The following SEC62 variants were observed in gnomAD, a reference collection of about 807,000 sequenced individuals.
SEC62 encodes the protein translocation protein SEC62.
In SEC62, 10 loss-of-function variants were observed where a neutral mutation model predicts 47.5. The ratio of observed to expected loss-of-function variants is 0.21; its 90% CI spans 0.13 to 0.36. The LOEUF (loss-of-function observed/expected upper bound fraction) is 0.36. Among genes scored for constraint, SEC62 ranks in the 10% least tolerant of loss-of-function variants. The probability of loss-of-function intolerance (pLI) is 1.00; values close to 1 mark genes in which losing one functional copy is unlikely to be tolerated. For synonymous variants in SEC62, 136 were observed against 150.5 expected (o/e 0.90, Z 0.71); for missense variants, 327 against 464.1 (o/e 0.70, Z 2.71).
At chr3:169,978,933 C>T (rs1714907591) in intron 3 of SEC62, among the ~76,000 whole-genome samples, 1 of 152,164 alleles carries the variant, frequency 6.6e-6, no homozygotes, top group African/African-American at 2.4e-5. Flanking sequence ...TTCTTAACTA[C>T]CGCTCTATAC....
Position 169,995,828 on chromosome 3 carries a change from C to T in SEC62, c.*2765C>T, listed in dbSNP as rs2074828217. 6.6e-6 allele frequency: 1 copy of T among 152,044 alleles called. No homozygotes were observed. Among genetic ancestry groups the T allele is most frequent in the Admixed American group, 6.5e-5 (1 of 15,272 alleles). 9.4% of individuals were successfully genotyped at this position (152,044 alleles called of 1,614,324 possible). A position where few individuals can be genotyped will look rare whatever the true frequency, so the allele number is the denominator to read the frequency against. On this transcript the variant is annotated 3_prime_UTR_variant, in exon 8 of 8. Coordinates refer to ENST00000337002, the MANE Select transcript of SEC62 (RefSeq NM_003262.4). ...ATGTAAATTTCTGTTGTAAAGACAC[C>T]TTATTTAATATAATCGATTCATTAA...
intron 1 of SEC62, among the ~76,000 whole-genome samples, chr3:169,972,026 C>T (rs187262684): frequency 6.6e-6 from 1 of 152,260 alleles, no homozygotes; most frequent in East Asian, 1.9e-4. Flanking sequence ...ATCTAAATTT[C>T]TTTCCCATTT....
Position 169,966,877 on chromosome 3 carries a change from G to A in SEC62, c.36+19G>A, listed in dbSNP as rs1193840769. Reference sequence around the variant, plus strand: ...GATCCAGGTAGCAAAGCCGAGCTCTGGGCAGGGGGCTTCGGCGCGCTGGAT... The same window carrying A: ...GATCCAGGTAGCAAAGCCGAGCTCTAGGCAGGGGGCTTCGGCGCGCTGGAT... On this transcript the variant is annotated intron_variant, in intron 1 of 7. Coordinates refer to ENST00000337002, the MANE Select transcript of SEC62 (RefSeq NM_003262.4). 1 of 1,553,844 alleles carries A rather than the reference G, an allele frequency of 6.4e-7. No individual in the cohort carries two copies. Among genetic ancestry groups the A allele is most frequent in the African/African-American group, 1.4e-5 (1 of 73,250 alleles).
intron 3 of SEC62, among the ~76,000 whole-genome samples, chr3:169,980,580 A>G (rs866862176): frequency 3.1e-4 from 47 of 152,262 alleles, no homozygotes; most frequent in African/African-American, 1.1e-3. Context: ...TGCTGGTTCT[A>G]TTGCCTTCAG....
At chr3:169,987,573 A>C (rs749824860) in intron 6 of SEC62, among the ~76,000 whole-genome samples, 12 of 152,238 alleles carry the variant, frequency 7.9e-5, no homozygotes, top group Non-Finnish European at 1.6e-4. Context: ...AAAAGAGTTA[A>C]GTAACTTGCC....
Position 169,996,044 on chromosome 3 carries a change from G to T in SEC62, c.*2981G>T, listed in dbSNP as rs980304032. Reference sequence around the variant, plus strand: ...GAAATGCAAAAACCATGGCATTAGCGTAAAAAGGACACGTTTATAGTATGA... The same window carrying T: ...GAAATGCAAAAACCATGGCATTAGCTTAAAAAGGACACGTTTATAGTATGA... On this transcript the variant is annotated 3_prime_UTR_variant, in exon 8 of 8. Coordinates refer to ENST00000337002, the MANE Select transcript of SEC62 (RefSeq NM_003262.4). 2 of 152,120 alleles carry T rather than the reference G, an allele frequency of 1.3e-5. No homozygotes were observed. Among genetic ancestry groups the T allele is most frequent in the Non-Finnish European group, 2.9e-5 (2 of 68,020 alleles). 9.4% of individuals were successfully genotyped at this position (152,120 alleles called of 1,614,324 possible).
intron 1 of SEC62, among the ~76,000 whole-genome samples, chr3:169,972,972 G>A (rs1413898763): frequency 6.6e-6 from 1 of 152,048 alleles, no homozygotes; most frequent in African/African-American, 2.4e-5. Context: ...TAATTAGATC[G>A]ATTTTAAGTT....
At chr3:169,982,562 A>T in intron 3 of SEC62, 145 bp from the exon 4 acceptor site, 1 of 912,238 alleles carries the variant, frequency 1.1e-6, no homozygotes, top group Non-Finnish European at 1.8e-6. Context: ...AGAGTTGACT[A>T]CTTTTTCACG....
In SEC62 at chr3:169,983,223, T is replaced by C. The variant is rs1179867899; in HGVS notation, c.519T>C (p.His173=). The C allele has an allele frequency of 6.2e-7, 1 of 1,612,764 alleles. No individual in the cohort carries two copies. ...AGAAAAAATTCAAACTTGAGCCACA[T>C]GATGATCAGGTTTTTCTGGATGGAA... ...ETKKKFKLEP[H]DDQVFLDGNE... is the part of the protein sequence containing the mutation. Residue 173 remains histidine (H), a synonymous_variant, in exon 5 of 8, where the codon CAT becomes CAC. Transcript: ENST00000337002.
chr3:169,975,322 C>A, intron 1 of SEC62: 2 of 198,224 alleles, frequency 1.0e-5, no homozygotes, highest in Non-Finnish European at 1.0e-5. Context: ...TGAAAGTGAA[C>A]TGGTACAAAG....
At chr3:169,969,075 A>G (rs1237954686) in intron 1 of SEC62, among the ~76,000 whole-genome samples, 1 of 152,202 alleles carries the variant, frequency 6.6e-6, no homozygotes, top group African/African-American at 2.4e-5. Flanking sequence ...ACTTACAAAA[A>G]AGATCCTGTT....
chr3:169,971,323 G>A (rs941173319), intron 1 of SEC62, among the ~76,000 whole-genome samples: 1 of 151,876 alleles, frequency 6.6e-6, no homozygotes, highest in Non-Finnish European at 1.5e-5. Flanking sequence ...GATCCACCTC[G>A]GCCTCCCAAA....
intron 1 of SEC62, 61 bp downstream of exon 1, chr3:169,966,919 A>G (rs1460453160): frequency 1.7e-5 from 26 of 1,520,176 alleles, no homozygotes; most frequent in Non-Finnish European, 2.0e-5. Flanking sequence ...AGGGGCGGGG[A>G]AAGCCCCCTA....
In SEC62 at chr3:169,994,265, T is replaced by A. The variant is rs1715319198; in HGVS notation, c.*1202T>A. On this transcript the variant is annotated 3_prime_UTR_variant, in exon 8 of 8. Transcript: ENST00000337002. Reference sequence around the variant, plus strand: ...ATCTTAGTTACAAGTCTTTGGAAACTCTTGTTTACTTATGAGCATAATCAT... The same window carrying A: ...ATCTTAGTTACAAGTCTTTGGAAACACTTGTTTACTTATGAGCATAATCAT... The A allele has an allele frequency of 6.6e-6, 1 of 152,656 alleles. No individual in the cohort carries two copies. The highest frequency in any genetic ancestry group is 6.5e-5 in the Admixed American group (1 of 15,284). 9.5% of individuals were successfully genotyped at this position (152,656 alleles called of 1,614,324 possible).
chr3:169,992,927 A>G lies in SEC62; in HGVS notation c.1064A>G (p.His355Arg). Residue 355 changes from histidine (H) to arginine (R), a missense_variant, in exon 8 of 8, where the codon CAC (histidine) becomes CGC (arginine). Around this residue, in one of 3 missense-constraint regions of SEC62, gnomAD observed 102 missense variants for 108.8 expected, o/e 0.94. Coordinates refer to ENST00000337002, the MANE Select transcript of SEC62 (RefSeq NM_003262.4). This position sits in a 1 kb window ranked among gnomAD's most constrained non-coding sequence, Gnocchi z 4.0. ...SDRREDDRSQ[H>R]SSGNGNDFEM... ...AGGAGGGAAGATGATCGATCCCAGC[A>G]CAGTAGTGGAAATGGAAATGATTTT... 6.2e-7 allele frequency: 1 copy of G among 1,614,088 alleles called. No individual in the cohort carries two copies. Among genetic ancestry groups the G allele is most frequent in the Non-Finnish European group, 8.5e-7 (1 of 1,179,990 alleles).
chr3:169,980,569 C>A (rs1714947991), intron 3 of SEC62, among the ~76,000 whole-genome samples: 1 of 152,138 alleles, frequency 6.6e-6, no homozygotes, highest in South Asian at 2.1e-4. Flanking sequence ...GCAGATGATC[C>A]TGCTGGTTCT....
intron 3 of SEC62, among the ~76,000 whole-genome samples, chr3:169,982,420 T>C (rs1014657154): frequency 3.9e-5 from 6 of 152,188 alleles, no homozygotes; most frequent in Non-Finnish European, 7.4e-5. Context: ...AAAGAGTCTT[T>C]ATATGGATAA....
chr3:169,976,041 T>G (rs144112321), intron 2 of SEC62, among the ~76,000 whole-genome samples: 1 of 152,346 alleles, frequency 6.6e-6, no homozygotes, highest in African/African-American at 2.4e-5. Context: ...CATTATAAGC[T>G]GATGTCATTT....
intron 3 of SEC62, among the ~76,000 whole-genome samples, chr3:169,981,711 G>A (rs932206689): frequency 6.6e-6 from 1 of 152,168 alleles, no homozygotes; most frequent in African/African-American, 2.4e-5. Flanking sequence ...ACCAAGCAAC[G>A]TTGACTTAAT....
Sources: allele counts gnomAD v4.1 joint callset (sites outside exome capture counted in the v4.1 genomes callset), GRCh38; gene constraint gnomAD v4.1.1; regional missense constraint gnomAD v4.1.1; non-coding constraint Gnocchi (gnomAD v3.1); transcripts MANE v1.5; gene names NCBI Gene and HGNC (gene_info 2026-07-23, HGNC 2026-07-21).